The following CEP128 variants were observed in gnomAD, a reference collection of about 807,000 sequenced individuals.
CEP128 encodes centrosomal protein 128, also known as centrosomal protein 128kDa.
Under a neutral mutation model 156.7 loss-of-function variants are expected in CEP128, and 132 were observed. The ratio of observed to expected loss-of-function variants is 0.84; its 90% CI spans 0.73 to 0.97. The LOEUF (loss-of-function observed/expected upper bound fraction) is 0.97, where lower values mean the gene tolerates loss of function less well. Among genes scored for constraint, CEP128 ranks in the 50% least tolerant of loss-of-function variants. CEP128 has a pLI of 0.00. For missense variants in CEP128, 1,252 were observed against 1,281.9 expected (o/e 0.98, Z 0.36); for synonymous variants, 469 against 448.9 (o/e 1.04, Z -0.57).
At chr14:80,763,631 T>G (rs142885528) in intron 16 of CEP128, among the ~76,000 whole-genome samples, 17 of 152,330 alleles carry the variant, frequency 1.1e-4, no homozygotes, top group African/African-American at 4.1e-4. Flanking sequence ...ATATCATAAT[T>G]TTTTAATTTT....
chr14:80,492,448 G>A (rs1029349655), downstream of CEP128, among the ~76,000 whole-genome samples: 2 of 152,132 alleles, frequency 1.3e-5, no homozygotes, highest in African/African-American at 2.4e-5. Flanking sequence ...AAGTGAGCAC[G>A]ACTCTAGCCC....
chr14:80,834,752 G>A (rs1885986474), intron 12 of CEP128, among the ~76,000 whole-genome samples: 1 of 152,152 alleles, frequency 6.6e-6, no homozygotes, highest in African/African-American at 2.4e-5. Context: ...TCTTTATGAA[G>A]TTTGATGAAG....
chr14:80,870,119 CAAAGA>C (rs1887954354), intron 8 of CEP128, among the ~76,000 whole-genome samples: 1 of 151,884 alleles, frequency 6.6e-6, no homozygotes, highest in Admixed American at 6.6e-5. Flanking sequence ...GACCTCCCAA[CAAAGA>C]AAAGCCCAGA....
intron 18 of CEP128, among the ~76,000 whole-genome samples, chr14:80,755,048 C>T (rs1899584760): frequency 6.6e-6 from 1 of 152,052 alleles, no homozygotes. Flanking sequence ...AGTCAGTGGG[C>T]TGGGAAAGGC....
intron 19 of CEP128, among the ~76,000 whole-genome samples, chr14:80,615,513 T>C: frequency 6.6e-6 from 1 of 152,022 alleles, no homozygotes; most frequent in East Asian, 1.9e-4. Context: ...TGGTGAATGG[T>C]TGTGGAAGAC....
chr14:80,721,050 C>T (rs150041856), intron 19 of CEP128, among the ~76,000 whole-genome samples: 28 of 152,188 alleles, frequency 1.8e-4, no homozygotes, highest in African/African-American at 6.3e-4. Flanking sequence ...TAAAAAGTTA[C>T]GTAGAAAATT....
intron 9 of CEP128, among the ~76,000 whole-genome samples, chr14:80,844,164 CA>C (rs1346198564): frequency 2.7e-5 from 4 of 147,214 alleles, no homozygotes; most frequent in South Asian, 2.2e-4. Context: ...AAAACCAAAA[CA>C]AAAAAAAATT....
chr14:80,589,346 T>G, intron 19 of CEP128, among the ~76,000 whole-genome samples: 1 of 151,624 alleles, frequency 6.6e-6, no homozygotes, highest in East Asian at 1.9e-4. Flanking sequence ...GAACTTTCAT[T>G]AAGTAATAAA....
intron 9 of CEP128, among the ~76,000 whole-genome samples, chr14:80,860,266 C>T (rs559122907): frequency 2.0e-5 from 3 of 152,196 alleles, no homozygotes; most frequent in South Asian, 2.1e-4. Context: ...TTTTTAAAAA[C>T]GTATAGGTCA....
chr14:80,925,616 T>C (rs535881991), intron 2 of CEP128, among the ~76,000 whole-genome samples: 24 of 152,176 alleles, frequency 1.6e-4, no homozygotes, highest in Non-Finnish European at 1.3e-4. Flanking sequence ...TTCTCCAAGA[T>C]AGTGGAATGG....
rs79417203 is a variant in CEP128, at chr14:80,802,958, A to T, written c.1210-9848T>A. On this transcript the variant is annotated intron_variant, in intron 13 of 24. Coordinates refer to ENST00000555265, the MANE Select transcript of CEP128 (RefSeq NM_152446.5). ...CCAAATCCAATGGAGCTGGCTTATCATACATAAGAACAAACTGTGGCATTT... is the reference window on the plus strand; with the variant it reads ...CCAAATCCAATGGAGCTGGCTTATCTTACATAAGAACAAACTGTGGCATTT... 6.0e-3 allele frequency among the ~76,000 whole-genome samples: 917 copies of T among 152,336 alleles called. 9 individuals carry two copies. Among genetic ancestry groups the T allele is most frequent in the African/African-American group, 0.021 (862 of 41,574 alleles).
intron 13 of CEP128, chr14:80,830,376 T>C (rs1885725475): frequency 7.5e-6 from 3 of 402,218 alleles, no homozygotes; most frequent in Non-Finnish European, 1.3e-5. Context: ...ATTTTCTACC[T>C]TTCATTTTAA....
chr14:80,775,570 GT>G (rs1818492938), intron 16 of CEP128, among the ~76,000 whole-genome samples: 1 of 152,190 alleles, frequency 6.6e-6, no homozygotes, highest in Non-Finnish European at 1.5e-5. Context: ...TGACTACATA[GT>G]TTTAACAACT....
At chr14:80,678,049 A>AATATATATATACAT (rs1896151096) in intron 19 of CEP128, among the ~76,000 whole-genome samples, 2 of 98,502 alleles carry the variant, frequency 2.0e-5, no homozygotes, top group African/African-American at 6.3e-5. Context: ...ATAAAAAAAA[A>AATATATATATACAT]ATATATATAT....
intron 19 of CEP128, among the ~76,000 whole-genome samples, chr14:80,591,237 A>G (rs1032538874): frequency 5.3e-5 from 8 of 152,138 alleles, no homozygotes; most frequent in Admixed American, 5.2e-4. Context: ...GTCAAGACCC[A>G]TCGGTGTGCT....
chr14:80,750,821 T>C (rs1200579451), intron 18 of CEP128, among the ~76,000 whole-genome samples: 1 of 152,182 alleles, frequency 6.6e-6, no homozygotes, highest in African/African-American at 2.4e-5. Flanking sequence ...GTGTTATGGA[T>C]TGAATTCTGT....
chr14:80,515,266 G>A (rs572883962), intron 23 of CEP128, among the ~76,000 whole-genome samples: 8 of 152,264 alleles, frequency 5.3e-5, no homozygotes, highest in South Asian at 4.1e-4. Context: ...CATGCTTGTG[G>A]CCTTTCCTTC....
At position 80,916,485 on chromosome 14, in the gene CEP128, A is replaced by G; in HGVS notation, c.63T>C (p.Ala21=). The G allele has an allele frequency of 6.2e-7, 1 of 1,614,114 alleles. No individual in the cohort carries two copies. Among genetic ancestry groups the G allele is most frequent in the Non-Finnish European group, 8.5e-7 (1 of 1,179,950 alleles). ...GAGTTCCCCTGTGCGTTGATCTGGC[A>G]GCCCATGGACTCAATCGGTCACGAC... The part of the protein sequence containing the change: ...FRCRDRLSPW[A]ARSTHRGTRS... The change falls in exon 3 of 25, where the codon GCT becomes GCC. Residue 21 remains alanine (A), a synonymous_variant. Coordinates refer to ENST00000555265, the MANE Select transcript of CEP128 (RefSeq NM_152446.5).
At chr14:80,659,250 T>A (rs1895297488) in intron 19 of CEP128, among the ~76,000 whole-genome samples, 1 of 152,094 alleles carries the variant, frequency 6.6e-6, no homozygotes, top group Admixed American at 6.6e-5. Context: ...TTGGTAATAA[T>A]TTTTTCCTAC....
Sources: allele counts gnomAD v4.1 joint callset (sites outside exome capture counted in the v4.1 genomes callset), GRCh38; gene constraint gnomAD v4.1.1; transcripts MANE v1.5; gene names NCBI Gene and HGNC (gene_info 2026-07-23, HGNC 2026-07-21).